Variants in FN1 observed in about 807,000 individuals in gnomAD.
FN1 encodes fibronectin 1, also known as fibronectin.
Under a neutral mutation model 297.3 loss-of-function variants are expected in FN1, and 106 were observed. That is an observed-to-expected ratio of 0.36 (90% CI 0.30 to 0.42). The LOEUF (loss-of-function observed/expected upper bound fraction) is 0.42. Ranked by LOEUF, FN1 falls within the 10% of genes least tolerant of loss-of-function variation. The pLI is 1.00. For missense variants in FN1, 2,690 were observed against 3,124.9 expected, an observed-to-expected ratio of 0.86 and a Z score of 3.32; for synonymous variants, 1,149 against 1,152.6, an observed-to-expected ratio of 1.00 and a Z score of 0.06.
At chr2:215,425,362 A>G (rs766685223) in intron 6 of FN1, 77 bp from the exon 7 acceptor site, 241 of 1,391,560 alleles carry the variant, frequency 1.7e-4, no homozygotes, top group Middle Eastern at 4.9e-4. Context: ...CAGGATCTTC[A>G]GGATCTCACA....
In FN1 at chr2:215,399,341, C is replaced by T; in HGVS notation, c.3264G>A (p.Gly1088=). 6.2e-7 allele frequency: 1 copy of T among 1,612,228 alleles called. No homozygotes were observed. The highest frequency in any genetic ancestry group is 1.1e-5 in the South Asian group (1 of 91,042). The change falls in exon 21 of 46, where the codon GGG becomes GGA. Residue 1088 remains glycine (G), a synonymous_variant. Coordinates refer to ENST00000354785, the MANE Select transcript of FN1 (RefSeq NM_212482.4). The part of the protein sequence containing the change: ...ATGVFTTLQP[G]SSIPPYNTEV... ...CGGTGTTGTAAGGTGGAATAGAGCT[C>T]CCAGGCTGCACTGTGAGAGAGAATC...
chr2:215,431,803 A>C (rs747042119), intron 4 of FN1, 30 bp downstream of exon 4: 8 of 1,613,426 alleles, frequency 5.0e-6, no homozygotes, highest in East Asian at 4.5e-5. Context: ...TAAGCATCCC[A>C]GCTCTTGCTC....
At chr2:215,420,889 A>T in intron 10 of FN1, 88 bp from the exon 11 acceptor site, 1 of 1,157,258 alleles carries the variant, frequency 8.6e-7, no homozygotes, top group Non-Finnish European at 1.3e-6. Context: ...GCATACAACT[A>T]CTTCCACTTA....
At chr2:215,397,904 A>C (rs1291656078) in intron 21 of FN1, 56 bp from the exon 22 acceptor site, 11 of 1,448,420 alleles carry the variant, frequency 7.6e-6, no homozygotes, top group Non-Finnish European at 1.1e-5. Flanking sequence ...GAGGACTGTT[A>C]CTGCTGTGAG....
In FN1 at chr2:215,424,264, G is replaced by A; in HGVS notation, c.1098C>T (p.Tyr366=). ...TGCAGGAGTAGAACGTCCTGCCATT[G>A]TAGGTGAATGGTAAGACACATGGCT... ...NGEPCVLPFT[Y]NGRTFYSCTT... Residue 366 remains tyrosine (Y), a synonymous_variant, in exon 8 of 46, where the codon TAC becomes TAT. Coordinates refer to ENST00000354785, the MANE Select transcript of FN1 (RefSeq NM_212482.4). The A allele has an allele frequency of 6.2e-7, 1 of 1,614,072 alleles. No individual in the cohort carries two copies.
chr2:215,380,744 T>A, intron 33 of FN1, 67 bp downstream of exon 33: 1 of 1,555,010 alleles, frequency 6.4e-7, no homozygotes. Flanking sequence ...CAGTGAAGCA[T>A]AATTCATTCA....
Position 215,435,947 on chromosome 2 carries a change from G to A in FN1, c.-145C>T. On this transcript the variant is annotated 5_prime_UTR_variant, in exon 1 of 46. Transcript: ENST00000354785. ...AAGGTGGGGGCCAGAGGGTGGGGAA[G>A]GGGACGGGTGGAGGGACAGAAGGGA... The A allele has an allele frequency of 3.5e-6, 5 of 1,434,782 alleles. No homozygotes were observed. The highest frequency in any genetic ancestry group is 4.6e-6 in the Non-Finnish European group (5 of 1,094,612). 88.9% of individuals were successfully genotyped at this position (1,434,782 alleles called of 1,614,324 possible).
At chr2:215,412,014 A>G (rs1054572274) in intron 13 of FN1, among the ~76,000 whole-genome samples, 1 of 152,032 alleles carries the variant, frequency 6.6e-6, no homozygotes, top group Non-Finnish European at 1.5e-5. Context: ...CAATGGTCTC[A>G]CATAATACTT....
Position 215,435,953 on chromosome 2 carries a change from G to T in FN1, c.-151C>A. 1 of 1,426,748 alleles carries T rather than the reference G, an allele frequency of 7.0e-7. No homozygotes were observed. The highest frequency in any genetic ancestry group is 9.2e-7 in the Non-Finnish European group (1 of 1,088,714). 88.4% of individuals were successfully genotyped at this position (1,426,748 alleles called of 1,614,324 possible). A position where few individuals can be genotyped will look rare whatever the true frequency, so the allele number is the denominator to read the frequency against. ...GGGGCCAGAGGGTGGGGAAGGGGAC[G>T]GGTGGAGGGACAGAAGGGATGCAGA... On this transcript the variant is annotated 5_prime_UTR_variant, in exon 1 of 46. Coordinates refer to ENST00000354785, the MANE Select transcript of FN1 (RefSeq NM_212482.4).
At chr2:215,376,801 G>A (rs2057356327) in intron 35 of FN1, 127 bp from the exon 36 acceptor site, 1 of 765,306 alleles carries the variant, frequency 1.3e-6, no homozygotes, top group Non-Finnish European at 2.2e-6. Flanking sequence ...CTAGTAATGT[G>A]TAGATTATCT....
intron 45 of FN1, 97 bp downstream of exon 45, chr2:215,361,872 T>A (rs80194904): frequency 5.7e-5 from 84 of 1,478,184 alleles, no homozygotes; most frequent in East Asian, 2.2e-4. Flanking sequence ...TTTTTTTTTT[T>A]AATTAATTAA....
intron 10 of FN1, 77 bp downstream of exon 10, chr2:215,422,014 G>T: frequency 7.3e-7 from 1 of 1,366,606 alleles, no homozygotes; most frequent in Non-Finnish European, 1.0e-6. Flanking sequence ...TTGGCATAGT[G>T]CAAGTTTTCA....
rs2057331450 is a variant in FN1 at position 215,376,638 on chromosome 2, G to A, written c.5747C>T (p.Ala1916Val). The change falls in exon 36 of 46, where the codon GCT (alanine) becomes GTT (valine). Residue 1916 changes from alanine to valine, a missense_variant. This residue lies in a region of FN1 where 1,743 missense variants were observed against 1,945.2 expected (regional missense o/e 0.90). Coordinates refer to ENST00000354785, the MANE Select transcript of FN1 (RefSeq NM_212482.4). ...SPPRRARVTDATETTITISWR... is the reference protein window; with the variant it reads ...SPPRRARVTDVTETTITISWR... ...GCTAATGGTGATGGTGGTCTCAGTA[G>A]CATCTGTCACACGAGCCCTTCTTGG... The A allele has an allele frequency of 6.2e-7, 1 of 1,613,854 alleles. No homozygotes were observed. Among genetic ancestry groups the A allele is most frequent in the Non-Finnish European group, 8.5e-7 (1 of 1,180,004 alleles).
At chr2:215,388,743 C>T (rs1187507867) in intron 26 of FN1, among the ~76,000 whole-genome samples, 1 of 152,192 alleles carries the variant, frequency 6.6e-6, no homozygotes, top group Non-Finnish European at 1.5e-5. Flanking sequence ...TACTGCATAT[C>T]TTTAAAGTGA....
chr2:215,404,313 GTT>G (rs2061496011), intron 20 of FN1, 74 bp downstream of exon 20: 3 of 1,336,090 alleles, frequency 2.2e-6, no homozygotes, highest in East Asian at 2.3e-5. Flanking sequence ...TTTTTGTTTT[GTT>G]TTGTTTTGTT....
intron 40 of FN1, among the ~76,000 whole-genome samples, chr2:215,371,024 C>T (rs891281481): frequency 6.6e-6 from 1 of 152,198 alleles, no homozygotes; most frequent in Non-Finnish European, 1.5e-5. Context: ...AGTCCCAGCA[C>T]TTTGGGAGGC....
At chr2:215,394,205 A>T (rs1361342239) in intron 24 of FN1, among the ~76,000 whole-genome samples, 1 of 152,228 alleles carries the variant, frequency 6.6e-6, no homozygotes, top group African/African-American at 2.4e-5. Flanking sequence ...TGAGCCTATC[A>T]GTACTGAGTA....
At chr2:215,403,925 C>T (rs1347262849) in intron 20 of FN1, among the ~76,000 whole-genome samples, 1 of 152,178 alleles carries the variant, frequency 6.6e-6, no homozygotes, top group Non-Finnish European at 1.5e-5. Flanking sequence ...CTATTCAATG[C>T]CCAAAGTAAT....
rs1039798054 is a variant in FN1, at chr2:215,369,648, G to A, written c.6853+646C>T. Among the ~76,000 whole-genome samples, 7 of 152,030 alleles carry A rather than the reference G, an allele frequency of 4.6e-5. No homozygotes were observed. The South Asian group carries it at 1.0e-3, about 23-fold the overall frequency. On this transcript the variant is annotated intron_variant, in intron 41 of 45. Transcript: ENST00000354785. Reference sequence around the variant, plus strand: ...TGCAAATTGAGCAGCCAGGTGGCACGCTATTGATTTAAAAGGATTTCCCAG... The same window carrying A: ...TGCAAATTGAGCAGCCAGGTGGCACACTATTGATTTAAAAGGATTTCCCAG...
Sources: allele counts gnomAD v4.1 joint callset (sites outside exome capture counted in the v4.1 genomes callset), GRCh38; gene constraint gnomAD v4.1.1; regional missense constraint gnomAD v4.1.1; transcripts MANE v1.5; gene names NCBI Gene and HGNC (gene_info 2026-07-23, HGNC 2026-07-21).